The following MDN1 variants were observed in gnomAD, a reference collection of about 807,000 sequenced individuals.
MDN1 encodes the protein midasin AAA ATPase 1, also known as midasin.
In MDN1, 266 loss-of-function variants were observed where a neutral mutation model predicts 669.2. The observed-to-expected ratio is 0.40, with a 90% confidence interval of 0.36 to 0.44. The LOEUF is 0.44. Ranked by LOEUF, MDN1 falls within the 20% of genes least tolerant of loss-of-function variation. MDN1 has a pLI of 1.00. For synonymous variants in MDN1, 2,385 were observed against 2,457.1 expected (o/e 0.97, Z 0.87); for missense variants, 5,940 against 6,754.0 (o/e 0.88, Z 4.22).
intron 15 of MDN1, among the ~76,000 whole-genome samples, chr6:89,767,594 T>A (rs191189279): frequency 6.6e-6 from 1 of 151,882 alleles, no homozygotes; most frequent in African/African-American, 2.4e-5. Flanking sequence ...CCTATCTCAA[T>A]TAAAAATACA....
chr6:89,753,440 A>C (rs563250395), intron 22 of MDN1, 72 bp downstream of exon 22: 15 of 1,220,098 alleles, frequency 1.2e-5, no homozygotes, highest in African/African-American at 6.1e-5. Context: ...GAAAAAAAAA[A>C]AACCAAACAG....
Position 89,806,731 on chromosome 6 carries a change from A to T in MDN1, c.103-3177T>A, listed in dbSNP as rs140549310. ...AGTGAGACTCCACCTCAATAAAAAA[A>T]TTTTTAAAAAAAGCTTAATTAAAAA... On this transcript the variant is annotated intron_variant, in intron 1 of 101. Coordinates refer to ENST00000369393, the MANE Select transcript of MDN1 (RefSeq NM_014611.3). Among the ~76,000 whole-genome samples the T allele has an allele frequency of 4.5e-3, 680 of 152,164 alleles. 5 individuals carry two copies. Among genetic ancestry groups the T allele is most frequent in the African/African-American group, 0.014 (598 of 41,520 alleles).
chr6:89,656,627 T>TTA (rs199499839), intron 91 of MDN1, 73 bp downstream of exon 91: 8 of 1,012,350 alleles, frequency 7.9e-6, no homozygotes, highest in East Asian at 2.6e-5. Flanking sequence ...TTTTTTTTTT[T>TTA]AAAGCACTAC....
intron 85 of MDN1, 64 bp downstream of exon 85, chr6:89,664,423 T>C (rs1359258625): frequency 6.3e-7 from 1 of 1,585,512 alleles, no homozygotes. Context: ...TAGGAACATG[T>C]AATTTCCTGG....
chr6:89,701,799 G>T (rs1813180061), intron 54 of MDN1, 105 bp downstream of exon 54: 4 of 1,518,840 alleles, frequency 2.6e-6, no homozygotes, highest in African/African-American at 1.4e-5. Context: ...AATATGCCAA[G>T]GGAATAAACC....
At chr6:89,809,646 T>C (rs1225206681) in intron 1 of MDN1, among the ~76,000 whole-genome samples, 1 of 151,350 alleles carries the variant, frequency 6.6e-6, no homozygotes, top group East Asian at 1.9e-4. Flanking sequence ...CATTATGGCA[T>C]ATACCTGTAG....
rs764363883 is a variant in MDN1 at position 89,743,216 on chromosome 6, T to C, written c.4382A>G (p.Glu1461Gly). Residue 1461 changes from glutamate (E) to glycine (G), a missense_variant, in exon 31 of 102, where the codon GAG becomes GGG. By Grantham distance (98) the Glu-to-Gly change is moderately conservative. Transcript: ENST00000369393. Reference protein sequence around the residue: ...HDGPLVQAMKEDGFFLLDEIS... With the variant: ...HDGPLVQAMKGDGFFLLDEIS... ...CTCATCCAAGAGGAAAAAGCCGTCC[T>C]CCTTCATGGCCTGAACCAGAGGCCC... is the stretch of plus-strand genomic sequence containing the variant. The C allele has an allele frequency of 6.2e-7, 1 of 1,614,174 alleles. No individual in the cohort carries two copies. Among genetic ancestry groups the C allele is most frequent in the Non-Finnish European group, 8.5e-7 (1 of 1,180,014 alleles).
At chr6:89,788,029 C>T in intron 7 of MDN1, 72 bp from the exon 8 acceptor site, 7 of 1,309,754 alleles carry the variant, frequency 5.3e-6, no homozygotes, top group Non-Finnish European at 6.4e-6. Flanking sequence ...ACAAAACAAC[C>T]CTCTCTCAAA....
intron 52 of MDN1, 137 bp downstream of exon 52, chr6:89,707,224 G>A: frequency 3.1e-6 from 2 of 641,488 alleles, no homozygotes; most frequent in Non-Finnish European, 5.5e-6. Flanking sequence ...TATTGAGTAA[G>A]GGGACATGTT....
rs1291363070 is a variant in MDN1 at position 89,725,413 on chromosome 6, G to A, written c.5473-17C>T. 6.3e-7 allele frequency: 1 copy of A among 1,598,886 alleles called. No homozygotes were observed. Among genetic ancestry groups the A allele is most frequent in the South Asian group, 1.1e-5 (1 of 90,688 alleles). The stretch of plus-strand genomic sequence containing the variant: ...CAGGTTAAGCTATTTAAAGAAGAAA[G>A]TACATAATTTGTCTCAAATATATTA... On this transcript the variant is annotated splice_polypyrimidine_tract_variant and intron_variant, in intron 37 of 101. Coordinates refer to ENST00000369393, the MANE Select transcript of MDN1 (RefSeq NM_014611.3).
intron 30 of MDN1, 65 bp downstream of exon 30, chr6:89,743,511 C>T: frequency 6.4e-7 from 1 of 1,551,750 alleles, no homozygotes; most frequent in Non-Finnish European, 8.8e-7. Context: ...GAAACCCCAC[C>T]ACTAACTCAT....
intron 58 of MDN1, 102 bp downstream of exon 58, chr6:89,699,498 AT>A: frequency 7.3e-7 from 1 of 1,365,938 alleles, no homozygotes; most frequent in South Asian, 1.7e-5. Flanking sequence ...GGTTTCCAAT[AT>A]GGAATTTTGA....
chr6:89,727,678 C>T (rs1815327041), intron 37 of MDN1, among the ~76,000 whole-genome samples, 155 bp downstream of exon 37: 1 of 152,200 alleles, frequency 6.6e-6, no homozygotes, highest in South Asian at 2.1e-4. Flanking sequence ...TGACCTTCCT[C>T]ATTCTTAAAG....
intron 30 of MDN1, 103 bp downstream of exon 30, chr6:89,743,473 C>T: frequency 7.0e-7 from 1 of 1,421,380 alleles, no homozygotes; most frequent in Admixed American, 2.1e-5. Flanking sequence ...CAGATATGCA[C>T]ATTTAACCAA....
intron 84 of MDN1, among the ~76,000 whole-genome samples, chr6:89,667,423 T>G (rs1810334524): frequency 6.6e-6 from 1 of 152,218 alleles, no homozygotes; most frequent in East Asian, 1.9e-4. Context: ...TAAAATTACC[T>G]TAAATACAAG....
intron 2 of MDN1, among the ~76,000 whole-genome samples, chr6:89,799,542 G>A (rs1767494027): frequency 6.6e-6 from 1 of 152,200 alleles, no homozygotes; most frequent in Non-Finnish European, 1.5e-5. Context: ...AATTAGCCAG[G>A]TGTGGTGGCA....
chr6:89,688,472 T>G (rs888044203), intron 66 of MDN1, 101 bp downstream of exon 66: 11 of 1,015,374 alleles, frequency 1.1e-5, no homozygotes, highest in Non-Finnish European at 1.4e-5. Flanking sequence ...TTTGTTTATA[T>G]GTATATATGT....
chr6:89,659,020 T>A, intron 88 of MDN1, 103 bp from the exon 89 acceptor site: 1 of 1,191,596 alleles, frequency 8.4e-7, no homozygotes, highest in Non-Finnish European at 1.2e-6. Context: ...TACAATTCTC[T>A]AAACCAGCGA....
rs1442025539 is a variant in MDN1, at chr6:89,692,485, C to G, written c.10545G>C (p.Glu3515Asp). The G allele has an allele frequency of 1.2e-6, 2 of 1,614,114 alleles. No individual in the cohort carries two copies. Among genetic ancestry groups the G allele is most frequent in the South Asian group, 2.2e-5 (2 of 91,070 alleles). ...YLRSHVLCKG[E>D]LDQRALQLFR... The stretch of plus-strand genomic sequence containing the variant: ...AGAGCTGCAGGGCCCTCTGGTCCAA[C>G]TCTCCCTTGCATAACACGTGGGAGC... The change falls in exon 63 of 102, where the codon GAG becomes GAC. Residue 3515 changes from glutamate to aspartate, a missense_variant. Coordinates refer to ENST00000369393, the MANE Select transcript of MDN1 (RefSeq NM_014611.3).
Sources: gnomAD v4.1 joint callset for allele counts (sites outside exome capture counted in the v4.1 genomes callset) on GRCh38, gnomAD v4.1.1 for gene constraint, MANE v1.5 for transcripts, NCBI Gene and HGNC (gene_info 2026-07-23, HGNC 2026-07-21) for gene names.